PMEPA1: variants seen among roughly 807,000 people sequenced by gnomAD.
PMEPA1 encodes prostate transmembrane protein, androgen induced 1.
Under a neutral mutation model 23.0 loss-of-function variants are expected in PMEPA1, and 11 were observed. The observed-to-expected ratio is 0.48, with a 90% confidence interval of 0.30 to 0.79. PMEPA1 has a LOEUF of 0.79. Ranked by LOEUF, PMEPA1 falls within the 30% of genes least tolerant of loss-of-function variation. PMEPA1 has a pLI of 0.06. For missense variants in PMEPA1, 377 were observed against 390.9 expected (o/e 0.96, Z 0.30); for synonymous variants, 204 against 166.4 (o/e 1.23, Z -1.74).
At chr20:57,671,806 CTA>C (rs2146667408) in intron 1 of PMEPA1, among the ~76,000 whole-genome samples, 1 of 152,340 alleles carries the variant, frequency 6.6e-6, no homozygotes, top group East Asian at 1.9e-4. Flanking sequence ...GCTCTACCCA[CTA>C]GAGGCTAGAA....
chr20:57,672,226 CAT>C (rs1168667319), intron 1 of PMEPA1, among the ~76,000 whole-genome samples: 7 of 152,270 alleles, frequency 4.6e-5, no homozygotes, highest in African/African-American at 1.2e-4. Flanking sequence ...CATGCACTCA[CAT>C]GTGTGTTTCC....
chr20:57,674,001 T>C (rs1022123813), intron 1 of PMEPA1, among the ~76,000 whole-genome samples: 8 of 152,168 alleles, frequency 5.3e-5, no homozygotes, highest in Admixed American at 3.3e-4. Context: ...CACTATTGGG[T>C]TGTTGCTAAT....
intron 1 of PMEPA1, among the ~76,000 whole-genome samples, chr20:57,662,137 A>AGCGTGCCACTGTCTAC (rs1233700913): frequency 8.6e-5 from 13 of 151,570 alleles, no homozygotes; most frequent in South Asian, 6.3e-4. Context: ...GCACCCAGGG[A>AGCGTGCCACTGTCTAC]ACATGTGGCG....
intron 1 of PMEPA1, among the ~76,000 whole-genome samples, chr20:57,696,381 G>C (rs1174249441): frequency 6.6e-6 from 1 of 152,352 alleles, no homozygotes; most frequent in East Asian, 1.9e-4. Flanking sequence ...GGCTGGCAAA[G>C]GGTCCCGCTT....
chr20:57,709,009 G>C (rs1210051549), intron 1 of PMEPA1, among the ~76,000 whole-genome samples: 1 of 151,926 alleles, frequency 6.6e-6, no homozygotes, highest in African/African-American at 2.4e-5. Flanking sequence ...CAGAGCCCGA[G>C]ACACAGCGCC....
rs550703272 is a variant in PMEPA1, at chr20:57,707,192, C to T, written c.109+2282G>A. Among the ~76,000 whole-genome samples the T allele has an allele frequency of 2.6e-5, 4 of 152,298 alleles. No individual in the cohort carries two copies. The East Asian group carries it at 7.7e-4, about 29-fold the overall frequency. On this transcript the variant is annotated intron_variant, in intron 1 of 3. Transcript: ENST00000341744. ...ACTAGATGAAAAACAGCAGCCACTA[C>T]TAGTTAAAAGAAAAACCAAATACTA...
At chr20:57,700,273 G>C (rs2071993943) in intron 1 of PMEPA1, 1 of 399,096 alleles carries the variant, frequency 2.5e-6, no homozygotes, top group African/African-American at 2.1e-5. Context: ...GGGGAACAGG[G>C]AAACTGAGGT....
At chr20:57,669,527 G>T (rs2071539192) in intron 1 of PMEPA1, among the ~76,000 whole-genome samples, 1 of 152,184 alleles carries the variant, frequency 6.6e-6, no homozygotes, top group South Asian at 2.1e-4. Flanking sequence ...TTGCACAAAA[G>T]GTCACAATCA....
chr20:57,681,334 C>G (rs1484597659), intron 1 of PMEPA1, among the ~76,000 whole-genome samples: 4 of 152,212 alleles, frequency 2.6e-5, no homozygotes, highest in Non-Finnish European at 4.4e-5. Context: ...CCTGAGGGCA[C>G]CCTCACCCTG....
At position 57,656,292 on chromosome 20, in the gene PMEPA1, G is replaced by A. The variant is rs1454444896; in HGVS notation, c.265-3206C>T. 4.0e-5 allele frequency among the ~76,000 whole-genome samples: 6 copies of A among 151,300 alleles called. No individual in the cohort carries two copies. Among genetic ancestry groups the A allele is most frequent in the Non-Finnish European group, 5.9e-5 (4 of 67,674 alleles). ...GCTAGGTCTTTGGCTCCCGCTGCTG[G>A]CAGATTGTCGCACATTGGCCTGGCC... On this transcript the variant is annotated intron_variant, in intron 2 of 3. Transcript: ENST00000341744. This position sits in a 1 kb window ranked among gnomAD's most constrained non-coding sequence, Gnocchi z 4.7.
At chr20:57,671,589 T>C (rs2071569142) in intron 1 of PMEPA1, among the ~76,000 whole-genome samples, 1 of 152,208 alleles carries the variant, frequency 6.6e-6, no homozygotes, top group South Asian at 2.1e-4. Context: ...CATATATATA[T>C]ATTGCATGGG....
chr20:57,699,052 C>G (rs957013626), intron 1 of PMEPA1, among the ~76,000 whole-genome samples: 1 of 152,206 alleles, frequency 6.6e-6, no homozygotes, highest in Non-Finnish European at 1.5e-5. Flanking sequence ...TTTGCTGTGG[C>G]CCCATGCAAA....
At chr20:57,664,157 C>A (rs991114483) in intron 1 of PMEPA1, among the ~76,000 whole-genome samples, 4 of 152,208 alleles carry the variant, frequency 2.6e-5, no homozygotes, top group Non-Finnish European at 5.9e-5. Context: ...CTGGCCCCAG[C>A]CGTGTTCCCA....
At position 57,655,331 on chromosome 20, in the gene PMEPA1, A is replaced by C. The variant is rs2071312265; in HGVS notation, c.265-2245T>G. ...CCAGGCGGGTCAGGCACCTCCTCCC[A>C]TCTCCTCCAGTCCCCTCCTGCACCA... On this transcript the variant is annotated intron_variant, in intron 2 of 3. Transcript: ENST00000341744. The surrounding 1 kb of genome is among the most constrained non-coding windows in gnomAD (Gnocchi z 4.2). Among the ~76,000 whole-genome samples, 1 of 151,708 alleles carries C rather than the reference A, an allele frequency of 6.6e-6. No individual in the cohort carries two copies. The highest frequency in any genetic ancestry group is 6.6e-5 in the Admixed American group (1 of 15,242).
chr20:57,654,903 C>T (rs2071305162), intron 2 of PMEPA1, among the ~76,000 whole-genome samples: 1 of 152,066 alleles, frequency 6.6e-6, no homozygotes, highest in Non-Finnish European at 1.5e-5. Flanking sequence ...TTCCCCAGGG[C>T]CCTTCCTCCT....
intron 1 of PMEPA1, 152 bp downstream of exon 1, chr20:57,709,322 A>C: frequency 6.0e-6 from 2 of 332,006 alleles, no homozygotes; most frequent in Non-Finnish European, 8.7e-6. Flanking sequence ...GCGAGCCGGG[A>C]GGGCGCGCCC....
rs1246477203 is a variant in PMEPA1 at position 57,650,230 on chromosome 20, C to T, written c.*1823G>A. ...TTGGAAGTTATAAAAAAGTTGCTCA[C>T]AAACAATAGTTATTGCCTTTTATAT... is the stretch of plus-strand genomic sequence containing the variant. On this transcript the variant is annotated 3_prime_UTR_variant, in exon 4 of 4. Coordinates refer to ENST00000341744, the MANE Select transcript of PMEPA1 (RefSeq NM_020182.5). 6.6e-6 allele frequency: 1 copy of T among 152,252 alleles called. No homozygotes were observed. Among genetic ancestry groups the T allele is most frequent in the East Asian group, 1.9e-4 (1 of 5,200 alleles). The allele number at this position is 152,252 out of a possible 1,614,324, so 9.4% of individuals were successfully genotyped here. A position where few individuals can be genotyped will look rare whatever the true frequency, so the allele number is the denominator to read the frequency against.
intron 1 of PMEPA1, among the ~76,000 whole-genome samples, chr20:57,680,382 G>A (rs928737271): frequency 6.6e-6 from 1 of 152,226 alleles, no homozygotes; most frequent in African/African-American, 2.4e-5. Flanking sequence ...GCCATATCTG[G>A]AAACACTTGT....
At chr20:57,697,951 G>A (rs901803057) in intron 1 of PMEPA1, among the ~76,000 whole-genome samples, 1 of 152,254 alleles carries the variant, frequency 6.6e-6, no homozygotes, top group Non-Finnish European at 1.5e-5. Context: ...TTAGAGAAAT[G>A]AGTAGGGAAT....
Sources: gnomAD v4.1 joint callset for allele counts (sites outside exome capture counted in the v4.1 genomes callset) on GRCh38, gnomAD v4.1.1 for gene constraint, Gnocchi (gnomAD v3.1) non-coding constraint, MANE v1.5 for transcripts, NCBI Gene and HGNC (gene_info 2026-07-23, HGNC 2026-07-21) for gene names.